IL21: variants seen among roughly 807,000 people sequenced by gnomAD.
The protein encoded by IL21 is interleukin-21.
In IL21, 3 loss-of-function variants were observed where a neutral mutation model predicts 18.4. The ratio of observed to expected loss-of-function variants is 0.16; its 90% CI spans 0.07 to 0.42. IL21 has a LOEUF of 0.42. Among genes scored for constraint, IL21 ranks in the 10% least tolerant of loss-of-function variants. The pLI, the probability that IL21 is intolerant of heterozygous loss-of-function variation, is 0.99. For missense variants in IL21, 130 were observed against 188.4 expected (o/e 0.69, Z 1.81); for synonymous variants, 37 against 62.0 (o/e 0.60, Z 1.90).
chr4:122,612,996 T>G, intron 3 of IL21, 68 bp from the exon 4 acceptor site: 3 of 962,530 alleles, frequency 3.1e-6, no homozygotes, highest in Non-Finnish European at 4.6e-6. Flanking sequence ...TTCTTAAAAT[T>G]TTTTTTCATT....
At chr4:122,615,213 C>G (rs868615524) in intron 3 of IL21, among the ~76,000 whole-genome samples, 1 of 152,014 alleles carries the variant, frequency 6.6e-6, no homozygotes, top group Non-Finnish European at 1.5e-5. Flanking sequence ...AAAGAGTGAC[C>G]CTACTTCTTA....
chr4:122,620,443 A>C (rs1191441835), intron 2 of IL21, among the ~76,000 whole-genome samples: 1 of 152,218 alleles, frequency 6.6e-6, no homozygotes, highest in Non-Finnish European at 1.5e-5. Flanking sequence ...ATTCTGTCTC[A>C]GCAATACTAC....
chr4:122,612,885 T>A lies in IL21; in HGVS notation c.404A>T (p.Glu135Val), dbSNP rs758487136. 1 of 1,612,434 alleles carries A rather than the reference T, an allele frequency of 6.2e-7. No individual in the cohort carries two copies. Among genetic ancestry groups the A allele is most frequent in the Non-Finnish European group, 8.5e-7 (1 of 1,179,162 alleles). The change falls in exon 4 of 5, where the codon GAA (glutamate) becomes GTA (valine). Residue 135 changes from glutamate to valine, a missense_variant. By Grantham distance (121) the Glu-to-Val change is moderately radical (BLOSUM62 -2). Transcript: ENST00000648588. ...CDSYEKKPPK[E>V]FLERFKSLLQ... ...AAGTGATTTGAATCTTTCTAGGAATTCTTTGGGTGGTTTTTTCTCATAAGA... is the reference window on the plus strand; with the variant it reads ...AAGTGATTTGAATCTTTCTAGGAATACTTTGGGTGGTTTTTTCTCATAAGA...
rs1799267502 is a variant in IL21, at chr4:122,611,936, C to G, written c.*774G>C. On this transcript the variant is annotated 3_prime_UTR_variant, in exon 5 of 5. Transcript: ENST00000648588. The stretch of plus-strand genomic sequence containing the variant: ...TAAAACTATGTTTGGTTCCAGAAGA[C>G]AACCTGGCATATGTCCCTCTATAGG... Among the ~76,000 whole-genome samples, 1 of 152,062 alleles carries G rather than the reference C, an allele frequency of 6.6e-6. No individual in the cohort carries two copies. Among genetic ancestry groups the G allele is most frequent in the Non-Finnish European group, 1.5e-5 (1 of 67,984 alleles).
intron 3 of IL21, among the ~76,000 whole-genome samples, chr4:122,614,194 A>G (rs1460988538): frequency 1.3e-5 from 2 of 152,238 alleles, no homozygotes; most frequent in East Asian, 3.9e-4. Context: ...TAAGATGAAC[A>G]TGCTTAACTG....
chr4:122,618,718 A>T (rs1799378102), intron 2 of IL21, among the ~76,000 whole-genome samples: 1 of 147,818 alleles, frequency 6.8e-6, no homozygotes, highest in Non-Finnish European at 1.5e-5. Flanking sequence ...AGGCAGGAGA[A>T]TCGCTTGAAC....
rs1158352940 is a variant in IL21, at chr4:122,611,077, T to C, written c.*1633A>G. On this transcript the variant is annotated 3_prime_UTR_variant, in exon 5 of 5. Coordinates refer to ENST00000648588, the MANE Select transcript of IL21 (RefSeq NM_021803.4). ...ACAATATCCAAGAAGTTAATAGCTA[T>C]ACATTCAGAAACAAGAAATACAGAT... Among the ~76,000 whole-genome samples, 1 of 152,214 alleles carries C rather than the reference T, an allele frequency of 6.6e-6. No individual in the cohort carries two copies. Among genetic ancestry groups the C allele is most frequent in the Non-Finnish European group, 1.5e-5 (1 of 68,028 alleles).
chr4:122,618,852 A>G (rs1041465067), intron 2 of IL21: 3 of 150,900 alleles, frequency 2.0e-5, no homozygotes, highest in African/African-American at 7.3e-5. Context: ...TGTCCTACAC[A>G]CAAACTAGGT....
chr4:122,618,982 C>T (rs952156859), intron 2 of IL21: 3 of 151,868 alleles, frequency 2.0e-5, no homozygotes, highest in Non-Finnish European at 4.4e-5. Context: ...TACTAGATGC[C>T]AGTAGCACCC....
intron 2 of IL21, 144 bp downstream of exon 2, chr4:122,620,557 T>G (rs2150689576): frequency 1.4e-6 from 1 of 712,134 alleles, no homozygotes; most frequent in South Asian, 2.4e-5. Flanking sequence ...TTAACCAAAA[T>G]ATAAATAAAT....
chr4:122,611,783 A>G lies in IL21; in HGVS notation c.*927T>C, dbSNP rs1434501898. Reference sequence around the variant, plus strand: ...ACATGTTGTGAAATTTTGTCAAAGCAGAAGTTTCATTTTAAAAAGAAGGAA... The same window carrying G: ...ACATGTTGTGAAATTTTGTCAAAGCGGAAGTTTCATTTTAAAAAGAAGGAA... On this transcript the variant is annotated 3_prime_UTR_variant, in exon 5 of 5. Transcript: ENST00000648588. 6.6e-6 allele frequency among the ~76,000 whole-genome samples: 1 copy of G among 152,214 alleles called. No individual in the cohort carries two copies. Among genetic ancestry groups the G allele is most frequent in the Admixed American group, 6.5e-5 (1 of 15,280 alleles).
In IL21 at chr4:122,620,840, T is replaced by C. The variant is rs765898411; in HGVS notation, c.168+4A>G. The C allele has an allele frequency of 6.2e-7, 1 of 1,613,782 alleles. No individual in the cohort carries two copies. The highest frequency in any genetic ancestry group is 8.5e-7 in the Non-Finnish European group (1 of 1,179,700). On this transcript the variant is annotated splice_donor_region_variant and intron_variant, in intron 1 of 4. Transcript: ENST00000648588. ...AGATTTTGTTGTGACAAATATAGTC[T>C]TACCAAGTCATTCACATAATTTTTC...
At position 122,612,503 on chromosome 4, in the gene IL21, T is replaced by G. The variant is rs1453359890; in HGVS notation, c.*207A>C. 3 of 455,162 alleles carry G rather than the reference T, an allele frequency of 6.6e-6. No individual in the cohort carries two copies. The highest frequency in any genetic ancestry group is 1.2e-5 in the Non-Finnish European group (3 of 259,144). 28.2% of individuals were successfully genotyped at this position (455,162 alleles called of 1,614,324 possible). A position where few individuals can be genotyped will look rare whatever the true frequency, so the allele number is the denominator to read the frequency against. The stretch of plus-strand genomic sequence containing the variant: ...GTCAAAGTTGGGCAGTGAGATAAAG[T>G]AAAAACTTCAGAAGTCATAGAAATC... On this transcript the variant is annotated 3_prime_UTR_variant, in exon 5 of 5. Coordinates refer to ENST00000648588, the MANE Select transcript of IL21 (RefSeq NM_021803.4).
At position 122,615,947 on chromosome 4, in the gene IL21, G is replaced by A. The variant is rs17884577; in HGVS notation, c.205-110C>T. 3.7e-3 allele frequency: 3,279 copies of A among 878,238 alleles called. 85 individuals are homozygous for A. The African/African-American group carries it at 0.051, about 14-fold the overall frequency. The allele number at this position is 878,238 out of a possible 1,614,324, so 54.4% of individuals were successfully genotyped here. A position where few individuals can be genotyped will look rare whatever the true frequency, so the allele number is the denominator to read the frequency against. On this transcript the variant is annotated intron_variant, in intron 2 of 4. Transcript: ENST00000648588. ...CTTCTGCAATGTCGTGCATTACATCGTTTCAACAGATGAGTGAGGTATGAT... is the reference window on the plus strand; with the variant it reads ...CTTCTGCAATGTCGTGCATTACATCATTTCAACAGATGAGTGAGGTATGAT...
intron 2 of IL21, among the ~76,000 whole-genome samples, chr4:122,617,001 T>C (rs1799346116): frequency 1.3e-5 from 2 of 152,194 alleles, no homozygotes; most frequent in African/African-American, 4.8e-5. Context: ...TTATGGACAA[T>C]CAGCTGAACA....
rs1241965298 is a variant in IL21, at chr4:122,610,789, G to A, written c.*1921C>T. Among the ~76,000 whole-genome samples, 7 of 152,138 alleles carry A rather than the reference G, an allele frequency of 4.6e-5. No homozygotes were observed. Among genetic ancestry groups the A allele is most frequent in the Admixed American group, 4.6e-4 (7 of 15,270 alleles). On this transcript the variant is annotated 3_prime_UTR_variant, in exon 5 of 5. Transcript: ENST00000648588. ...AAGAACTGGCCATCTTGAACATAGA[G>A]CAGTGAAGATGGAGCTGTTCAAGTC...
In IL21 at chr4:122,620,947, G is replaced by A; in HGVS notation, c.65C>T (p.Thr22Ile). The stretch of plus-strand genomic sequence containing the variant: ...TTGGGAGCTTGATTTGTGGACCAGT[G>A]TCCCCAAGAAGATGACCATCAGACA... ...VICLMVIFLG[T>I]LVHKSSSQGQ... The change falls in exon 1 of 5, where the codon ACA becomes ATA. Residue 22 changes from threonine (T) to isoleucine (I), a missense_variant. Transcript: ENST00000648588. The A allele has an allele frequency of 6.2e-7, 1 of 1,613,968 alleles. No homozygotes were observed. The highest frequency in any genetic ancestry group is 1.1e-5 in the South Asian group (1 of 91,072).
chr4:122,620,345 G>C (rs17884784), intron 2 of IL21, among the ~76,000 whole-genome samples: 3,125 of 152,230 alleles, frequency 0.021, 30 homozygotes, highest in Non-Finnish European at 0.029. Flanking sequence ...AGGCTCAAAA[G>C]CTTTCATGCC....
In IL21 at chr4:122,612,614, G is replaced by T. The variant is rs1206936457; in HGVS notation, c.*96C>A. The T allele has an allele frequency of 2.3e-6, 2 of 867,078 alleles. No homozygotes were observed. Among genetic ancestry groups the T allele is most frequent in the Non-Finnish European group, 3.8e-6 (2 of 532,830 alleles). 53.7% of individuals were successfully genotyped at this position (867,078 alleles called of 1,614,324 possible). Reference sequence around the variant, plus strand: ...CACTTATGAGTTTTTTTTTCCCATCGCTAATATATTGTACTCCTCCACTTG... The same window carrying T: ...CACTTATGAGTTTTTTTTTCCCATCTCTAATATATTGTACTCCTCCACTTG... On this transcript the variant is annotated 3_prime_UTR_variant, in exon 5 of 5. Transcript: ENST00000648588.
Sources: gnomAD v4.1 joint callset for allele counts (sites outside exome capture counted in the v4.1 genomes callset) on GRCh38, gnomAD v4.1.1 for gene constraint, MANE v1.5 for transcripts, NCBI Gene and HGNC (gene_info 2026-07-23, HGNC 2026-07-21) for gene names.